ATP11B: variants seen among roughly 807,000 people sequenced by gnomAD.
ATP11B encodes the protein phospholipid-transporting ATPase IF.
ATP11B carries 81 observed loss-of-function variants against 157.8 expected under a neutral mutation model. The ratio of observed to expected loss-of-function variants is 0.51; its 90% CI spans 0.43 to 0.62. The LOEUF is 0.62. Among genes scored for constraint, ATP11B ranks in the 20% least tolerant of loss-of-function variants. The pLI, the probability that ATP11B is intolerant of heterozygous loss-of-function variation, is 0.00. For synonymous variants in ATP11B, 451 were observed against 469.4 expected (o/e 0.96, Z 0.51); for missense variants, 1,165 against 1,402.2 (o/e 0.83, Z 2.70).
At chr3:182,795,328 G>A (rs1715536516) in intron 1 of ATP11B, among the ~76,000 whole-genome samples, 1 of 152,174 alleles carries the variant, frequency 6.6e-6, no homozygotes, top group African/African-American at 2.4e-5. Context: ...TGTGTGGTAG[G>A]AAGATCATTT....
At position 182,872,487 on chromosome 3, in the gene ATP11B, G is replaced by T. The variant is rs758278249; in HGVS notation, c.1998G>T (p.Gln666His). 6 of 1,614,120 alleles carry T rather than the reference G, an allele frequency of 3.7e-6. No homozygotes were observed. The highest frequency in any genetic ancestry group is 3.3e-5 in the South Asian group (3 of 91,078). ...AAGAGAAATTGGCAGCTGTTTTCCAGTTCATAGAGAAAGACCTGATATTAC... is the reference window on the plus strand; with the variant it reads ...AAGAGAAATTGGCAGCTGTTTTCCATTTCATAGAGAAAGACCTGATATTAC... ...QREEKLAAVF[Q>H]FIEKDLILLG... The change falls in exon 18 of 30, where the codon CAG (glutamine) becomes CAT (histidine). Residue 666 changes from glutamine (Q) to histidine (H), a missense_variant. By Grantham distance (24) the Gln-to-His change is conservative. Transcript: ENST00000323116.
In ATP11B at chr3:182,820,475, G is replaced by A. The variant is rs1048289817; in HGVS notation, c.144+99G>A. The A allele has an allele frequency of 5.5e-5, 45 of 818,558 alleles. No homozygotes were observed. In the Middle Eastern group the frequency reaches 1.0e-3, roughly 18 times the overall value. The allele number at this position is 818,558 out of a possible 1,614,324, so 50.7% of individuals were successfully genotyped here. On this transcript the variant is annotated intron_variant, in intron 2 of 29. Transcript: ENST00000323116. ...AAGGCGAGAGGATCGGTTAAGCCCA[G>A]GAGTTTGCGACCAGTGTGGGCAACA...
chr3:182,828,325 C>T (rs186764310), intron 3 of ATP11B, 116 bp downstream of exon 3: 51 of 488,098 alleles, frequency 1.0e-4, no homozygotes, highest in African/African-American at 7.0e-4. Context: ...ATTTTTTCTG[C>T]AGTGCTTCTG....
chr3:182,812,654 C>T (rs906113823), intron 1 of ATP11B, among the ~76,000 whole-genome samples: 1 of 152,110 alleles, frequency 6.6e-6, no homozygotes, highest in Non-Finnish European at 1.5e-5. Flanking sequence ...ATAGGACTTG[C>T]CTGATGCAGA....
chr3:182,918,129 C>G lies in ATP11B; in HGVS notation c.*25C>G, dbSNP rs1725257527. 1 of 1,610,942 alleles carries G rather than the reference C, an allele frequency of 6.2e-7. No homozygotes were observed. The highest frequency in any genetic ancestry group is 1.1e-5 in the South Asian group (1 of 90,402). On this transcript the variant is annotated 3_prime_UTR_variant, in exon 30 of 30. Coordinates refer to ENST00000323116, the MANE Select transcript of ATP11B (RefSeq NM_014616.3). ...AAGGGGCAGTAGTACTTTGTGGGAG[C>G]CAGTTCACCTCCTTTCCTAAAATTC...
At chr3:182,795,740 G>A (rs1715559570) in intron 1 of ATP11B, among the ~76,000 whole-genome samples, 1 of 152,164 alleles carries the variant, frequency 6.6e-6, no homozygotes, top group Non-Finnish European at 1.5e-5. Context: ...CAAGGACCCT[G>A]GATACAGAGT....
At chr3:182,908,445 C>T (rs1724543110) in intron 28 of ATP11B, 1 of 152,024 alleles carries the variant, frequency 6.6e-6, no homozygotes, top group Non-Finnish European at 1.5e-5. Context: ...ATTCACCTTC[C>T]TTGCCTCCCA....
At chr3:182,882,051 T>A (rs918108267) in intron 21 of ATP11B, among the ~76,000 whole-genome samples, 1 of 152,194 alleles carries the variant, frequency 6.6e-6, no homozygotes, top group Non-Finnish European at 1.5e-5. Context: ...ATTGTATAAA[T>A]ACAGAGCAAA....
Position 182,821,828 on chromosome 3 carries a change from G to A in ATP11B, c.144+1452G>A, listed in dbSNP as rs143608543. Among the ~76,000 whole-genome samples the A allele has an allele frequency of 2.1e-3, 319 of 152,256 alleles. 3 individuals are homozygous for A. The highest frequency in any genetic ancestry group is 0.01 in the Middle Eastern group (3 of 294). ...AAGTTTTCCTTATATCATAACTATT[G>A]CCTGAAAGGGCACCTTAAGAAGCAT... On this transcript the variant is annotated intron_variant, in intron 2 of 29. Coordinates refer to ENST00000323116, the MANE Select transcript of ATP11B (RefSeq NM_014616.3).
At chr3:182,879,969 T>G (rs1274088222) in intron 20 of ATP11B, among the ~76,000 whole-genome samples, 1 of 152,206 alleles carries the variant, frequency 6.6e-6, no homozygotes, top group Non-Finnish European at 1.5e-5. Context: ...CATCAATTAT[T>G]TGCACCTTCA....
At chr3:182,826,069 CATA>C (rs1717699252) in intron 2 of ATP11B, among the ~76,000 whole-genome samples, 1 of 152,056 alleles carries the variant, frequency 6.6e-6, no homozygotes, top group African/African-American at 2.4e-5. Flanking sequence ...AACTTTAAAG[CATA>C]ATAAATTATT....
At position 182,820,206 on chromosome 3, in the gene ATP11B, CA is replaced by C. The variant is rs1248386509; in HGVS notation, c.28-53del. The C allele has an allele frequency of 2.5e-6, 3 of 1,180,300 alleles. No homozygotes were observed. In the East Asian group the frequency reaches 7.0e-5, roughly 28 times the overall value. The allele number at this position is 1,180,300 out of a possible 1,614,324, so 73.1% of individuals were successfully genotyped here. On this transcript the variant is annotated intron_variant, in intron 1 of 29. Coordinates refer to ENST00000323116, the MANE Select transcript of ATP11B (RefSeq NM_014616.3). ...CTAAATAAAGCTAACAGTAAAGTAT[CA>C]TAACTAACCTGGTTGACTAGTATTT...
At chr3:182,827,767 G>A (rs780783518) in intron 2 of ATP11B, among the ~76,000 whole-genome samples, 7 of 150,682 alleles carry the variant, frequency 4.6e-5, no homozygotes, top group Non-Finnish European at 1.0e-4. Flanking sequence ...TTTATCTTTA[G>A]CATTAGGTTT....
intron 28 of ATP11B, chr3:182,905,849 A>G (rs1471243547): frequency 4.4e-6 from 2 of 456,738 alleles, no homozygotes; most frequent in Admixed American, 2.3e-5. Flanking sequence ...GAAAGCCAGC[A>G]CAGAGGGGAG....
At chr3:182,830,014 G>A in intron 4 of ATP11B, 6 of 803,940 alleles carry the variant, frequency 7.5e-6, no homozygotes, top group Non-Finnish European at 9.0e-6. Flanking sequence ...TATTGTATAT[G>A]TATAAACCAT....
chr3:182,914,529 A>G (rs1366464950), intron 29 of ATP11B: 5 of 985,254 alleles, frequency 5.1e-6, no homozygotes, highest in Non-Finnish European at 6.0e-6. Context: ...TCTGTAATGA[A>G]GTTTTGAAAT....
At chr3:182,847,864 G>A (rs552830159) in intron 9 of ATP11B, among the ~76,000 whole-genome samples, 16 of 152,312 alleles carry the variant, frequency 1.1e-4, no homozygotes, top group African/African-American at 3.8e-4. Flanking sequence ...TTTTTGATAA[G>A]CTGGTCTCAC....
chr3:182,902,103 T>C (rs1297039432), intron 28 of ATP11B, among the ~76,000 whole-genome samples: 1 of 152,230 alleles, frequency 6.6e-6, no homozygotes, highest in Non-Finnish European at 1.5e-5. Flanking sequence ...ATTCCTTTGC[T>C]ACAGGCAGTA....
intron 7 of ATP11B, among the ~76,000 whole-genome samples, chr3:182,841,218 T>C (rs988537872): frequency 4.6e-5 from 7 of 152,252 alleles, no homozygotes; most frequent in Non-Finnish European, 7.3e-5. Flanking sequence ...ATCCTTCTTA[T>C]TCTGTTCTGC....
Sources: allele counts gnomAD v4.1 joint callset (sites outside exome capture counted in the v4.1 genomes callset), GRCh38; gene constraint gnomAD v4.1.1; transcripts MANE v1.5; gene names NCBI Gene and HGNC (gene_info 2026-07-23, HGNC 2026-07-21).